PTPRQ: variants seen among roughly 807,000 people sequenced by gnomAD.
PTPRQ encodes protein tyrosine phosphatase receptor type Q.
PTPRQ carries 199 observed loss-of-function variants against 246.0 expected under a neutral mutation model. That is an observed-to-expected ratio of 0.81 (90% confidence interval 0.72 to 0.91). The LOEUF (loss-of-function observed/expected upper bound fraction) is 0.91. PTPRQ is among the 40% of genes least tolerant of loss of function. The probability of loss-of-function intolerance (pLI) is 0.00; values close to 1 mark genes in which losing one functional copy is unlikely to be tolerated. For synonymous variants in PTPRQ, 869 were observed against 853.2 expected, an observed-to-expected ratio of 1.02 and a Z score of -0.32; for missense variants, 2,624 against 2,528.4, an observed-to-expected ratio of 1.04 and a Z score of -0.81.
chr12:80,614,819 T>A (rs1898689788), intron 29 of PTPRQ, among the ~76,000 whole-genome samples: 1 of 150,980 alleles, frequency 6.6e-6, no homozygotes, highest in African/African-American at 2.4e-5. Context: ...CTTTATAGGA[T>A]ATTTGTGAGG....
intron 26 of PTPRQ, among the ~76,000 whole-genome samples, chr12:80,601,455 C>T (rs2121068287): frequency 6.6e-6 from 1 of 151,912 alleles, no homozygotes; most frequent in South Asian, 2.1e-4. Context: ...GTGCCTAGCA[C>T]ATAGTAAGCA....
chr12:80,509,915 A>G (rs1005119764), intron 16 of PTPRQ, among the ~76,000 whole-genome samples: 3 of 151,910 alleles, frequency 2.0e-5, no homozygotes, highest in African/African-American at 7.3e-5. Flanking sequence ...TCACTTTCCC[A>G]ACTTCTTGGA....
In PTPRQ at chr12:80,546,539, T is replaced by A; in HGVS notation, c.3874-17T>A. ...TTTGACAGTGCATTAACTAATAACT[T>A]TTTTTCTGTTTTTCAGAATATATCA... On this transcript the variant is annotated splice_polypyrimidine_tract_variant and intron_variant, in intron 23 of 44. Coordinates refer to ENST00000644991, the MANE Select transcript of PTPRQ (RefSeq NM_001145026.2). 1.3e-6 allele frequency: 2 copies of A among 1,534,648 alleles called. No homozygotes were observed. Among genetic ancestry groups the A allele is most frequent in the East Asian group, 4.9e-5 (2 of 40,596 alleles).
At chr12:80,523,125 T>C (rs1895559516) in intron 17 of PTPRQ, among the ~76,000 whole-genome samples, 1 of 152,250 alleles carries the variant, frequency 6.6e-6, no homozygotes, top group Admixed American at 6.5e-5. Flanking sequence ...TATCCATTTC[T>C]TCTAGATTTT....
intron 18 of PTPRQ, among the ~76,000 whole-genome samples, chr12:80,534,622 A>C (rs1895935406): frequency 2.6e-5 from 4 of 152,006 alleles, no homozygotes; most frequent in African/African-American, 9.7e-5. Context: ...TATTGTTCTC[A>C]TATCCAGAGC....
chr12:80,494,290 A>T (rs1453792147), intron 10 of PTPRQ, among the ~76,000 whole-genome samples: 2 of 152,004 alleles, frequency 1.3e-5, no homozygotes, highest in African/African-American at 4.8e-5. Context: ...GCTACTTAAG[A>T]GTTTTAGAAG....
At chr12:80,629,152 G>GCACA (rs35680769) in intron 33 of PTPRQ, among the ~76,000 whole-genome samples, 31 of 146,204 alleles carry the variant, frequency 2.1e-4, no homozygotes, top group East Asian at 6.0e-4. Context: ...GGAGTGAGTG[G>GCACA]CACACACACA....
intron 33 of PTPRQ, among the ~76,000 whole-genome samples, chr12:80,626,400 A>T (rs1899202627): frequency 6.6e-6 from 1 of 152,180 alleles, no homozygotes; most frequent in South Asian, 2.1e-4. Flanking sequence ...GCTAACTAGG[A>T]GATTAAATCA....
intron 39 of PTPRQ, among the ~76,000 whole-genome samples, chr12:80,663,678 C>A (rs1388564202): frequency 6.6e-6 from 1 of 151,694 alleles, no homozygotes; most frequent in Non-Finnish European, 1.5e-5. Flanking sequence ...AAATATTGAC[C>A]CATAGCCCTG....
intron 25 of PTPRQ, among the ~76,000 whole-genome samples, chr12:80,570,901 G>A (rs966436963): frequency 7.2e-5 from 11 of 152,072 alleles, no homozygotes; most frequent in Admixed American, 6.6e-4. Flanking sequence ...TTTTAGATGT[G>A]TGGCTTTATT....
At chr12:80,581,620 G>A (rs951639782) in intron 25 of PTPRQ, among the ~76,000 whole-genome samples, 2 of 151,988 alleles carry the variant, frequency 1.3e-5, no homozygotes, top group East Asian at 1.9e-4. Context: ...CAGCAACAGA[G>A]TAAGACTCTG....
chr12:80,544,400 T>G (rs946591358), intron 23 of PTPRQ, among the ~76,000 whole-genome samples: 3 of 152,172 alleles, frequency 2.0e-5, no homozygotes, highest in African/African-American at 7.2e-5. Context: ...TATGTGAACA[T>G]GAGAATAACT....
chr12:80,479,126 G>C (rs989383438), intron 8 of PTPRQ, among the ~76,000 whole-genome samples: 18 of 151,892 alleles, frequency 1.2e-4, no homozygotes, highest in Admixed American at 7.9e-4. Context: ...CAGCCGGAGA[G>C]AAAGGTCGGG....
In PTPRQ at chr12:80,546,692, A is replaced by T. The variant is rs1432450253; in HGVS notation, c.4010A>T (p.Glu1337Val). The T allele has an allele frequency of 6.4e-7, 1 of 1,550,650 alleles. No individual in the cohort carries two copies. Among genetic ancestry groups the T allele is most frequent in the Admixed American group, 2.0e-5 (1 of 50,848 alleles). ...AATGTAGTAAAATTCACAACCCAAG[A>T]ATCAGGTTAGATACAGTTTTTGAGC... is the stretch of plus-strand genomic sequence containing the variant. ...FSNVVKFTTQ[E>V]SVPDVVQNMQ... The change falls in exon 24 of 45, where the codon GAA becomes GTA. Residue 1337 changes from glutamate (E) to valine (V), a missense_variant. Physicochemically the swap from Glu to Val is moderately radical, Grantham distance 121 (BLOSUM62 -2). Transcript: ENST00000644991.
intron 7 of PTPRQ, 86 bp downstream of exon 7, chr12:80,468,924 A>G (rs1893535274): frequency 3.4e-6 from 5 of 1,475,304 alleles, no homozygotes; most frequent in Middle Eastern, 1.9e-4. Flanking sequence ...TAAAAGTATC[A>G]GACTCTTTTT....
chr12:80,447,003 A>G (rs1268582333), intron 3 of PTPRQ, among the ~76,000 whole-genome samples: 2 of 151,998 alleles, frequency 1.3e-5, no homozygotes, highest in African/African-American at 4.8e-5. Context: ...ACTGTTTCTC[A>G]TAGAGGTTAC....
At chr12:80,589,981 T>C (rs1897739467) in intron 26 of PTPRQ, among the ~76,000 whole-genome samples, 1 of 152,224 alleles carries the variant, frequency 6.6e-6, no homozygotes, top group South Asian at 2.1e-4. Context: ...TCTATAGCTT[T>C]GAAGTCTGCT....
chr12:80,603,643 A>G (rs1394354924), intron 26 of PTPRQ, among the ~76,000 whole-genome samples: 1 of 151,542 alleles, frequency 6.6e-6, no homozygotes, highest in East Asian at 1.9e-4. Context: ...CAAGATAAGC[A>G]ATTCTACAGC....
chr12:80,518,472 GA>G (rs1276398274), intron 17 of PTPRQ, among the ~76,000 whole-genome samples: 1 of 152,086 alleles, frequency 6.6e-6, no homozygotes, highest in Admixed American at 6.6e-5. Context: ...TTGCTGTACA[GA>G]AGCTCTTTAA....
Sources: allele counts gnomAD v4.1 joint callset (sites outside exome capture counted in the v4.1 genomes callset), GRCh38; gene constraint gnomAD v4.1.1; transcripts MANE v1.5; gene names NCBI Gene and HGNC (gene_info 2026-07-23, HGNC 2026-07-21).